Variants in ACER3 observed in about 807,000 individuals in gnomAD.
ACER3 encodes the protein alkaline ceramidase 3.
ACER3 carries 16 observed loss-of-function variants against 48.9 expected under a neutral mutation model. That is an observed-to-expected ratio of 0.33 (90% CI 0.22 to 0.50). ACER3 has a LOEUF of 0.50. ACER3 is among the 20% of genes least tolerant of loss of function. The pLI, the probability that ACER3 is intolerant of heterozygous loss-of-function variation, is 0.98. For synonymous variants in ACER3, 109 were observed against 107.8 expected (o/e 1.01, Z -0.07); for missense variants, 227 against 326.0 (o/e 0.70, Z 2.34).
chr11:76,864,596 A>ATTTTTTTTTTTT lies in ACER3; in HGVS notation c.103+3527_103+3538dup, dbSNP rs772026324. ...ACATAACTCATAATATGGAATGGGT[A>ATTTTTTTTTTTT]TTTTTTTTTTTTTTTTTTTTTGAGG... On this transcript the variant is annotated intron_variant, in intron 1 of 10. Transcript: ENST00000532485. Among the ~76,000 whole-genome samples the ATTTTTTTTTTTT allele has an allele frequency of 3.1e-4, 31 of 99,934 alleles. 3 individuals are homozygous for ATTTTTTTTTTTT. The highest frequency in any genetic ancestry group is 6.2e-4 in the East Asian group (2 of 3,234). The allele number at this position is 99,934 out of a possible 152,430, so 65.6% of individuals were successfully genotyped here.
intron 1 of ACER3, among the ~76,000 whole-genome samples, chr11:76,861,872 G>A (rs1265663464): frequency 6.6e-6 from 1 of 152,190 alleles, no homozygotes; most frequent in Non-Finnish European, 1.5e-5. Context: ...ACCTTCTGAG[G>A]ATTTAAGCAT....
intron 2 of ACER3, among the ~76,000 whole-genome samples, chr11:76,944,710 T>C (rs1056304123): frequency 6.6e-6 from 1 of 152,132 alleles, no homozygotes; most frequent in African/African-American, 2.4e-5. Flanking sequence ...TGTATTTGCC[T>C]GGGGATTGCT....
At chr11:76,878,883 T>G (rs1420683872) in intron 1 of ACER3, among the ~76,000 whole-genome samples, 1 of 152,126 alleles carries the variant, frequency 6.6e-6, no homozygotes, top group East Asian at 1.9e-4. Flanking sequence ...TGGTATCTCA[T>G]TGTAATTTTA....
intron 2 of ACER3, among the ~76,000 whole-genome samples, chr11:76,929,135 G>A (rs4562848): frequency 0.57 from 86,826 of 151,808 alleles, 28,022 homozygotes; most frequent in Non-Finnish European, 0.74. Context: ...CTTTTATTTC[G>A]TTGAGCAGTG....
In ACER3 at chr11:77,025,843, T is replaced by TGGTAC. The variant is rs1949544242; in HGVS notation, c.*5517_*5521dup. 1 of 152,238 alleles carries TGGTAC rather than the reference T, an allele frequency of 6.6e-6. No individual in the cohort carries two copies. Among genetic ancestry groups the TGGTAC allele is most frequent in the Non-Finnish European group, 1.5e-5 (1 of 68,058 alleles). The allele number at this position is 152,238 out of a possible 1,614,324, so 9.4% of individuals were successfully genotyped here. The stretch of plus-strand genomic sequence containing the variant: ...TCTAGACTGTCAGCAAGTGGTACAG[T>TGGTAC]GGTACAGTACAGTGGTACTGCCCAA... On this transcript the variant is annotated 3_prime_UTR_variant, in exon 11 of 11. Coordinates refer to ENST00000532485, the MANE Select transcript of ACER3 (RefSeq NM_018367.7).
At chr11:76,957,791 G>T (rs1307755067) in intron 2 of ACER3, among the ~76,000 whole-genome samples, 4 of 151,950 alleles carry the variant, frequency 2.6e-5, no homozygotes, top group Middle Eastern at 3.2e-3. Context: ...ACTTAACATA[G>T]GGCATGACCA....
intron 1 of ACER3, among the ~76,000 whole-genome samples, chr11:76,907,805 A>G (rs1239129646): frequency 6.6e-6 from 1 of 152,174 alleles, no homozygotes; most frequent in East Asian, 1.9e-4. Context: ...CAGGAGGGAG[A>G]GCTTGCAGTG....
chr11:76,993,644 GC>G (rs1002726678), intron 6 of ACER3, among the ~76,000 whole-genome samples: 2 of 152,188 alleles, frequency 1.3e-5, no homozygotes, highest in African/African-American at 4.8e-5. Context: ...TGTTAAGGCA[GC>G]AGTCCCCAAC....
intron 2 of ACER3, among the ~76,000 whole-genome samples, chr11:76,930,019 G>A (rs975359462): frequency 2.7e-5 from 4 of 150,732 alleles, no homozygotes; most frequent in Non-Finnish European, 4.5e-5. Context: ...TTTTTCTGTT[G>A]ATTGGAATAG....
At chr11:76,926,520 A>C in intron 1 of ACER3, 37 bp from the exon 2 acceptor site, 1 of 1,288,738 alleles carries the variant, frequency 7.8e-7, no homozygotes, top group South Asian at 1.3e-5. Flanking sequence ...AGTGTTATTG[A>C]TTAACCTAAA....
At chr11:76,961,569 A>G (rs761677403) in intron 3 of ACER3, among the ~76,000 whole-genome samples, 3 of 151,586 alleles carry the variant, frequency 2.0e-5, no homozygotes, top group African/African-American at 4.9e-5. Context: ...AAAAAGGACA[A>G]TATCAGCCTA....
intron 1 of ACER3, among the ~76,000 whole-genome samples, chr11:76,912,951 A>C (rs1946422524): frequency 6.6e-6 from 1 of 152,166 alleles, no homozygotes; most frequent in Middle Eastern, 3.2e-3. Context: ...CAATTTTCAG[A>C]TCAGGAGTGG....
chr11:76,882,532 A>G (rs1407243517), intron 1 of ACER3, among the ~76,000 whole-genome samples: 1 of 151,956 alleles, frequency 6.6e-6, no homozygotes, highest in African/African-American at 2.4e-5. Flanking sequence ...TTGTTAGCAT[A>G]TTTTATCTTA....
rs879313807 is a variant in ACER3, at chr11:76,966,147, G to A, written c.267+7116G>A. ...AGCAAATGGAAAACAAAAAAAGGCA[G>A]GGGTTGCAATCCTAGTCTCTGATTA... On this transcript the variant is annotated intron_variant, in intron 3 of 10. Transcript: ENST00000532485. Among the ~76,000 whole-genome samples, 607 of 152,190 alleles carry A rather than the reference G, an allele frequency of 4.0e-3. 1 individual carries two copies. The highest frequency in any genetic ancestry group is 7.0e-3 in the Non-Finnish European group (473 of 68,044).
intron 2 of ACER3, among the ~76,000 whole-genome samples, chr11:76,932,847 C>G (rs1420980565): frequency 2.6e-5 from 4 of 152,054 alleles, no homozygotes; most frequent in Non-Finnish European, 4.4e-5. Context: ...AGAGAGGACT[C>G]AAGGGCCTAA....
intron 1 of ACER3, among the ~76,000 whole-genome samples, chr11:76,919,497 G>A (rs1946629847): frequency 6.6e-6 from 1 of 152,142 alleles, no homozygotes; most frequent in Admixed American, 6.5e-5. Flanking sequence ...AGGAGAATGT[G>A]TTTGGGGGTA....
chr11:76,914,240 C>CTT (rs1946463297), intron 1 of ACER3, among the ~76,000 whole-genome samples: 1 of 152,156 alleles, frequency 6.6e-6, no homozygotes, highest in Admixed American at 6.5e-5. Context: ...GCAAAAGAAA[C>CTT]TATCATCAGA....
intron 7 of ACER3, among the ~76,000 whole-genome samples, chr11:77,010,508 A>G (rs1237162129): frequency 3.9e-5 from 6 of 152,124 alleles, no homozygotes. Flanking sequence ...GAGCCAGAAT[A>G]GAAGGGAACC....
intron 3 of ACER3, among the ~76,000 whole-genome samples, chr11:76,967,350 C>A (rs181092406): frequency 1.2e-3 from 176 of 152,082 alleles, no homozygotes; most frequent in African/African-American, 4.1e-3. Context: ...CAGGACCAGA[C>A]GGATTCACAG....
Sources: allele counts gnomAD v4.1 joint callset (sites outside exome capture counted in the v4.1 genomes callset), GRCh38; gene constraint gnomAD v4.1.1; transcripts MANE v1.5; gene names NCBI Gene and HGNC (gene_info 2026-07-23, HGNC 2026-07-21).